The following C1orf226 variants were observed in gnomAD, a reference collection of about 807,000 sequenced individuals.
C1orf226 encodes the protein uncharacterized protein C1orf226.
In C1orf226, 4 loss-of-function variants were observed where a neutral mutation model predicts 10.5. The observed-to-expected ratio is 0.38, with a 90% CI of 0.19 to 0.87. The LOEUF is 0.87. Among genes scored for constraint, C1orf226 ranks in the 40% least tolerant of loss-of-function variants. The pLI, the probability that C1orf226 is intolerant of heterozygous loss-of-function variation, is 0.41. For missense variants in C1orf226, 313 were observed against 336.2 expected (o/e 0.93, Z 0.54); for synonymous variants, 125 against 139.3 (o/e 0.90, Z 0.72).
At chr1:162,379,639 C>T (rs1251378351), upstream of C1orf226, among the ~76,000 whole-genome samples, 1 of 152,116 alleles carries the variant, frequency 6.6e-6, no homozygotes, top group African/African-American at 2.4e-5. Context: ...AAAGGGAGTG[C>T]ATGGTAGGCT....
At position 162,383,412 on chromosome 1, in the gene C1orf226, G is replaced by A; in HGVS notation, c.548G>A (p.Arg183Lys). 2 of 1,590,282 alleles carry A rather than the reference G, an allele frequency of 1.3e-6. No individual in the cohort carries two copies. Among genetic ancestry groups the A allele is most frequent in the Admixed American group, 1.8e-5 (1 of 55,806 alleles). Reference sequence around the variant, plus strand: ...TCACAGCCAGAGGCCACCATGGAAAGAGAAGAGAGAGGCAAAGTTCTGCCC... The same window carrying A: ...TCACAGCCAGAGGCCACCATGGAAAAAGAAGAGAGAGGCAAAGTTCTGCCC... ...DASQPEATME[R>K]EERGKVLPNG... Residue 183 changes from arginine to lysine, a missense_variant, in exon 2 of 2, where the codon AGA becomes AAA. By Grantham distance (26) the Arg-to-Lys change is conservative (BLOSUM62 2). Transcript: ENST00000458626.
upstream of C1orf226, among the ~76,000 whole-genome samples, chr1:162,379,628 T>G (rs925757516): frequency 2.0e-5 from 3 of 152,084 alleles, no homozygotes; most frequent in Non-Finnish European, 4.4e-5. Flanking sequence ...TAGACAAGGG[T>G]AAAGGGAGTG....
At chr1:162,383,150 GGC>G (rs1225657762) in intron 1 of C1orf226, 30 bp from the exon 2 acceptor site, 7 of 1,527,048 alleles carry the variant, frequency 4.6e-6, no homozygotes, top group South Asian at 1.3e-5. Flanking sequence ...CTGTCCTTAA[GGC>G]ATGTGTGTTT....
rs1295137012 is a variant in C1orf226, at chr1:162,383,722, C to T, written c.*39C>T. On this transcript the variant is annotated 3_prime_UTR_variant, in exon 2 of 2. Coordinates refer to ENST00000458626, the MANE Select transcript of C1orf226 (RefSeq NM_001085375.2). ...TCCTGCTGAGCTCTGCCCTTGTCTT[C>T]CTGCTGCTTTCTCCTCCACTGCGCA... 6.5e-7 allele frequency: 1 copy of T among 1,538,402 alleles called. No homozygotes were observed. The highest frequency in any genetic ancestry group is 1.4e-5 in the African/African-American group (1 of 73,280).
Position 162,385,654 on chromosome 1 carries a change from T to A in C1orf226, c.*1971T>A, listed in dbSNP as rs541751087. The A allele has an allele frequency of 3.7e-4, 57 of 152,350 alleles. No homozygotes were observed. The highest frequency in any genetic ancestry group is 1.3e-3 in the African/African-American group (56 of 41,572). The allele number at this position is 152,350 out of a possible 1,614,324, so 9.4% of individuals were successfully genotyped here. ...ACTAGCATTCGGGGTCCTTTGAGTG[T>A]TCCCAGAATGGTTTGGGGTATCACA... On this transcript the variant is annotated 3_prime_UTR_variant, in exon 2 of 2. Coordinates refer to ENST00000458626, the MANE Select transcript of C1orf226 (RefSeq NM_001085375.2).
chr1:162,379,224 T>A (rs1054536499), upstream of C1orf226, among the ~76,000 whole-genome samples: 1 of 151,402 alleles, frequency 6.6e-6, no homozygotes, highest in Non-Finnish European at 1.5e-5. Context: ...TGTGTGGGGG[T>A]CATTAGCGTC....
At position 162,381,853 on chromosome 1, in the gene C1orf226, T is replaced by C; in HGVS notation, c.-49T>C. On this transcript the variant is annotated 5_prime_UTR_variant, in exon 1 of 2. Transcript: ENST00000458626. ...GATAGAGCACAGGTACCGCTCCCCT[T>C]TCCTCATCATGCCTCTCTGTCGCCT... 1 of 1,603,938 alleles carries C rather than the reference T, an allele frequency of 6.2e-7. No homozygotes were observed. The highest frequency in any genetic ancestry group is 1.3e-5 in the African/African-American group (1 of 74,360).
chr1:162,385,247 C>T lies in C1orf226; in HGVS notation c.*1564C>T, dbSNP rs1648073880. On this transcript the variant is annotated 3_prime_UTR_variant, in exon 2 of 2. Coordinates refer to ENST00000458626, the MANE Select transcript of C1orf226 (RefSeq NM_001085375.2). ...CTCTGGGATACCCAGGGCTTGCTTC[C>T]CAGCTCTTCTCATCTCCAAGCCTCT... 1 of 152,300 alleles carries T rather than the reference C, an allele frequency of 6.6e-6. No individual in the cohort carries two copies. Among genetic ancestry groups the T allele is most frequent in the Middle Eastern group, 3.2e-3 (1 of 316 alleles). The allele number at this position is 152,300 out of a possible 1,614,324, so 9.4% of individuals were successfully genotyped here.
chr1:162,385,167 T>C lies in C1orf226; in HGVS notation c.*1484T>C, dbSNP rs905441954. The C allele has an allele frequency of 1.3e-5, 2 of 152,656 alleles. No homozygotes were observed. The highest frequency in any genetic ancestry group is 4.8e-5 in the African/African-American group (2 of 41,448). 9.5% of individuals were successfully genotyped at this position (152,656 alleles called of 1,614,324 possible). On this transcript the variant is annotated 3_prime_UTR_variant, in exon 2 of 2. Coordinates refer to ENST00000458626, the MANE Select transcript of C1orf226 (RefSeq NM_001085375.2). ...GGCAGGCGGTGCGGCATCCTCCTCC[T>C]GGGATTCCTGTGGCCTCCCCTGTTC...
chr1:162,382,027 A>C lies in C1orf226; in HGVS notation c.126A>C (p.Gly42=). The C allele has an allele frequency of 6.2e-7, 1 of 1,611,624 alleles. No individual in the cohort carries two copies. Among genetic ancestry groups the C allele is most frequent in the Non-Finnish European group, 8.5e-7 (1 of 1,179,244 alleles). ...GCTCTGGTGAGCCTGGGGGGCCAGG[A>C]CTCTGGGTGGGCAGCAGCCAGCACC... The part of the protein sequence containing the change: ...PLGSGEPGGP[G]LWVGSSQHLK... The change falls in exon 1 of 2, where the codon GGA becomes GGC. Residue 42 remains glycine (G), a synonymous_variant. Coordinates refer to ENST00000458626, the MANE Select transcript of C1orf226 (RefSeq NM_001085375.2).
upstream of C1orf226, among the ~76,000 whole-genome samples, chr1:162,379,467 A>G (rs2101844802): frequency 6.6e-6 from 1 of 152,334 alleles, no homozygotes; most frequent in South Asian, 2.1e-4. Flanking sequence ...GAATTCATAT[A>G]AAAGTCAAAT....
upstream of C1orf226, among the ~76,000 whole-genome samples, chr1:162,379,379 G>A (rs762185579): frequency 1.6e-4 from 24 of 152,116 alleles, no homozygotes; most frequent in Non-Finnish European, 3.2e-4. Context: ...CATAGAGGGA[G>A]TTTTGAGTGG....
At chr1:162,379,335 G>A (rs764386515), upstream of C1orf226, among the ~76,000 whole-genome samples, 39 of 152,024 alleles carry the variant, frequency 2.6e-4, no homozygotes, top group Admixed American at 7.2e-4. Context: ...GCAGTTATCC[G>A]GGTCTGACCT....
At chr1:162,380,260 C>T (rs1482214303), upstream of C1orf226, among the ~76,000 whole-genome samples, 1 of 152,192 alleles carries the variant, frequency 6.6e-6, no homozygotes, top group Non-Finnish European at 1.5e-5. Context: ...GGCAGGTCCT[C>T]ACCCTGCAGT....
chr1:162,380,095 A>C (rs1401941310), upstream of C1orf226, among the ~76,000 whole-genome samples: 1 of 152,232 alleles, frequency 6.6e-6, no homozygotes, highest in Admixed American at 6.5e-5. Flanking sequence ...GCCAAAGTGG[A>C]TGATGTGGCA....
intron 1 of C1orf226, 60 bp from the exon 2 acceptor site, chr1:162,383,122 A>C: frequency 6.8e-7 from 1 of 1,480,986 alleles, no homozygotes; most frequent in Non-Finnish European, 9.1e-7. Context: ...GCAAGATGGC[A>C]GGTGGATTGG....
In C1orf226 at chr1:162,383,937, G is replaced by A. The variant is rs1461209839; in HGVS notation, c.*254G>A. The A allele has an allele frequency of 3.4e-5, 17 of 501,882 alleles. No homozygotes were observed. Among genetic ancestry groups the A allele is most frequent in the Admixed American group, 1.8e-4 (5 of 27,180 alleles). 31.1% of individuals were successfully genotyped at this position (501,882 alleles called of 1,614,324 possible). On this transcript the variant is annotated 3_prime_UTR_variant, in exon 2 of 2. Coordinates refer to ENST00000458626, the MANE Select transcript of C1orf226 (RefSeq NM_001085375.2). ...AGCCTAATTTTCTGTAACCTCCTCT[G>A]AGTGGGCTGCAGCCCTTGGACATTA...
chr1:162,380,431 G>A (rs759046812), upstream of C1orf226, among the ~76,000 whole-genome samples: 35 of 152,198 alleles, frequency 2.3e-4, no homozygotes, highest in Admixed American at 5.9e-4. Context: ...TCACTGGCCC[G>A]GGATACAGCA....
Position 162,383,755 on chromosome 1 carries a change from C to T in C1orf226, c.*72C>T. 6.9e-7 allele frequency: 1 copy of T among 1,446,304 alleles called. No individual in the cohort carries two copies. Among genetic ancestry groups the T allele is most frequent in the Non-Finnish European group, 9.2e-7 (1 of 1,089,344 alleles). 89.6% of individuals were successfully genotyped at this position (1,446,304 alleles called of 1,614,324 possible). A position where few individuals can be genotyped will look rare whatever the true frequency, so the allele number is the denominator to read the frequency against. The stretch of plus-strand genomic sequence containing the variant: ...TTTCTCCTCCACTGCGCACACTGGC[C>T]CTGGCCTCAACTCCGCTGTGCCCTT... On this transcript the variant is annotated 3_prime_UTR_variant, in exon 2 of 2. Transcript: ENST00000458626.
Sources: gnomAD v4.1 joint callset for allele counts (sites outside exome capture counted in the v4.1 genomes callset) on GRCh38, gnomAD v4.1.1 for gene constraint, MANE v1.5 for transcripts, NCBI Gene and HGNC (gene_info 2026-07-23, HGNC 2026-07-21) for gene names.